Variants in CALN1 observed in about 807,000 individuals in gnomAD.
The protein encoded by CALN1 is calneuron 1.
A neutral mutation model predicts 30.6 loss-of-function variants in CALN1; 17 were observed. That is an observed-to-expected ratio of 0.56 (90% CI 0.38 to 0.83). CALN1 has a LOEUF of 0.83. Among genes scored for constraint, CALN1 ranks in the 40% least tolerant of loss-of-function variants. The pLI, the probability that CALN1 is intolerant of heterozygous loss-of-function variation, is 0.00. For missense variants in CALN1, 291 were observed against 354.9 expected (o/e 0.82, Z 1.45); for synonymous variants, 156 against 131.4 (o/e 1.19, Z -1.28).
At chr7:72,030,658 G>A (rs1356427926) in intron 4 of CALN1, among the ~76,000 whole-genome samples, 1 of 152,136 alleles carries the variant, frequency 6.6e-6, no homozygotes, top group Non-Finnish European at 1.5e-5. Flanking sequence ...GCTGAAGCAA[G>A]GTCCAGGAAA....
At chr7:72,448,050 TCATGCACACTCACACACATGCCTGAC>T (rs1562972577), upstream of CALN1, among the ~76,000 whole-genome samples, 1 of 149,926 alleles carries the variant, frequency 6.7e-6, no homozygotes, top group African/African-American at 2.5e-5. Flanking sequence ...ACATGCCTGC[TCATGCACACTCACACACATGCCTGAC>T]ATACCACACA....
chr7:71,846,559 G>A (rs112449168), intron 5 of CALN1, among the ~76,000 whole-genome samples: 1 of 151,906 alleles, frequency 6.6e-6, no homozygotes, highest in African/African-American at 2.4e-5. Flanking sequence ...GATAGATATA[G>A]ATATGCATAT....
At chr7:72,017,456 C>T (rs1392841673) in intron 5 of CALN1, among the ~76,000 whole-genome samples, 1 of 152,134 alleles carries the variant, frequency 6.6e-6, no homozygotes, top group African/African-American at 2.4e-5. Context: ...AACGAGTACC[C>T]TATGCACTTT....
chr7:71,832,006 G>A (rs565086734), intron 5 of CALN1, among the ~76,000 whole-genome samples: 26 of 151,436 alleles, frequency 1.7e-4, no homozygotes, highest in Non-Finnish European at 3.1e-4. Context: ...CGTTAATGAT[G>A]TGATGCCAAT....
Position 72,017,379 on chromosome 7 carries a change from T to C in CALN1, c.501+6278A>G, listed in dbSNP as rs368401674. On this transcript the variant is annotated intron_variant, in intron 5 of 6. Coordinates refer to ENST00000395275, the MANE Select transcript of CALN1 (RefSeq NM_031468.4). ...GGATTGGACAGCAGCAGACCTATGA[T>C]TGATAACCAGGGAGAGGCAAAGCAA... Among the ~76,000 whole-genome samples, 12 of 152,014 alleles carry C rather than the reference T, an allele frequency of 7.9e-5. No homozygotes were observed. In the East Asian group the frequency reaches 1.2e-3, roughly 15 times the overall value.
intron 5 of CALN1, among the ~76,000 whole-genome samples, chr7:71,896,891 C>A (rs931348720): frequency 4.6e-5 from 7 of 152,172 alleles, no homozygotes; most frequent in Non-Finnish European, 7.3e-5. Context: ...GAGGAGGGTT[C>A]TCTTCTGCAG....
At chr7:72,465,240 C>A in the CALN1 span, among the ~76,000 whole-genome samples, 1 of 152,224 alleles carries the variant, frequency 6.6e-6, no homozygotes, top group Non-Finnish European at 1.5e-5. Context: ...GAGAAGTCTT[C>A]CTTCATGCCC....
intron 5 of CALN1, among the ~76,000 whole-genome samples, chr7:71,909,441 T>TA (rs998618878): frequency 6.1e-4 from 88 of 145,070 alleles, no homozygotes; most frequent in South Asian, 2.4e-3. Flanking sequence ...ACTTACTGGT[T>TA]AAAAAAAAAA....
intron 5 of CALN1, among the ~76,000 whole-genome samples, chr7:71,882,255 G>C (rs1439893934): frequency 1.3e-5 from 2 of 152,114 alleles, no homozygotes; most frequent in Admixed American, 1.3e-4. Context: ...TGTTCTCTCT[G>C]ACCTCTGCTT....
At chr7:72,383,717 T>G (rs572011494) in intron 2 of CALN1, among the ~76,000 whole-genome samples, 2 of 152,208 alleles carry the variant, frequency 1.3e-5, no homozygotes, top group Admixed American at 1.3e-4. Context: ...AGAAACGTCC[T>G]GTCTGAAAAT....
intron 3 of CALN1, among the ~76,000 whole-genome samples, chr7:72,171,068 G>A (rs1276285437): frequency 2.0e-5 from 3 of 152,042 alleles, no homozygotes; most frequent in Admixed American, 1.3e-4. Context: ...GAGGTGGGAG[G>A]ATAGCTTGAG....
the CALN1 span, among the ~76,000 whole-genome samples, chr7:72,457,622 C>G: frequency 2.6e-4 from 40 of 152,104 alleles, no homozygotes. Context: ...CCTCCTTCTC[C>G]CAGAGAGAGA....
chr7:72,366,005 ATCAG>A (rs1334306833), intron 2 of CALN1, among the ~76,000 whole-genome samples: 1 of 152,168 alleles, frequency 6.6e-6, no homozygotes, highest in African/African-American at 2.4e-5. Flanking sequence ...TAAAATGATA[ATCAG>A]TCAATTGCAT....
intron 2 of CALN1, among the ~76,000 whole-genome samples, chr7:72,300,415 C>CAAAAAAAAAGATAAA (rs200880724): frequency 7.0e-6 from 1 of 143,514 alleles, no homozygotes; most frequent in African/African-American, 2.6e-5. Flanking sequence ...TGAACAACAA[C>CAAAAAAAAAGATAAA]AACAAAAAAG....
At chr7:72,167,689 A>G (rs1357704603) in intron 3 of CALN1, among the ~76,000 whole-genome samples, 1 of 152,206 alleles carries the variant, frequency 6.6e-6, no homozygotes, top group Non-Finnish European at 1.5e-5. Context: ...TGTGAATTTG[A>G]AGAATCATTT....
chr7:72,132,184 T>C (rs1809196814), intron 3 of CALN1, among the ~76,000 whole-genome samples: 1 of 152,114 alleles, frequency 6.6e-6, no homozygotes, highest in Non-Finnish European at 1.5e-5. Flanking sequence ...ACATCACAAG[T>C]CCAAAATGCA....
upstream of CALN1, among the ~76,000 whole-genome samples, chr7:72,451,392 G>A (rs1469382898): frequency 6.9e-6 from 1 of 144,510 alleles, no homozygotes; most frequent in Non-Finnish European, 1.5e-5. Flanking sequence ...AGGAGGAGGA[G>A]GAGTGGGGGA....
intron 2 of CALN1, among the ~76,000 whole-genome samples, chr7:72,336,497 G>A (rs750072801): frequency 6.6e-6 from 1 of 151,796 alleles, no homozygotes; most frequent in Non-Finnish European, 1.5e-5. Flanking sequence ...CAAGGTGGCC[G>A]GCGCGGCCCC....
At chr7:71,788,010 C>T in intron 6 of CALN1, 108 bp from the exon 7 acceptor site, 1 of 1,450,010 alleles carries the variant, frequency 6.9e-7, no homozygotes, top group Admixed American at 1.8e-5. Context: ...AACAGGCCAG[C>T]AGTGAGTCCT....
Sources: gnomAD v4.1 joint callset for allele counts (sites outside exome capture counted in the v4.1 genomes callset) on GRCh38, gnomAD v4.1.1 for gene constraint, MANE v1.5 for transcripts, NCBI Gene and HGNC (gene_info 2026-07-23, HGNC 2026-07-21) for gene names.